The following SRGAP2B variants were observed in gnomAD, a reference collection of about 807,000 sequenced individuals.
SRGAP2B encodes SLIT-ROBO Rho GTPase activating protein 2B, also known as SLIT-ROBO Rho GTPase-activating protein 2B.
SRGAP2B carries 9 observed loss-of-function variants against 22.2 expected under a neutral mutation model. That is an observed-to-expected ratio of 0.41 (90% confidence interval 0.24 to 0.71). SRGAP2B has a LOEUF of 0.71. Among genes scored for constraint, SRGAP2B ranks in the 30% least tolerant of loss-of-function variants. The pLI is 0.35. For missense variants in SRGAP2B, 114 were observed against 235.8 expected (o/e 0.48, Z 3.38); for synonymous variants, 36 against 87.4 (o/e 0.41, Z 3.28).
intron 4 of SRGAP2B, among the ~76,000 whole-genome samples, chr1:144,953,654 G>A (rs587614503): frequency 1.3e-5 from 2 of 151,756 alleles, no homozygotes; most frequent in Admixed American, 6.6e-5. Context: ...TATGCATAGG[G>A]CACTTGAAGA....
At chr1:145,036,451 TA>T (rs1376546344) in intron 2 of SRGAP2B, among the ~76,000 whole-genome samples, 1 of 91,964 alleles carries the variant, frequency 1.1e-5, no homozygotes, top group South Asian at 3.5e-4. Context: ...TTAATAATAT[TA>T]ATAGTATCAG....
intron 3 of SRGAP2B, among the ~76,000 whole-genome samples, chr1:144,966,305 C>T (rs1197781143): frequency 6.7e-6 from 1 of 149,842 alleles, no homozygotes; most frequent in East Asian, 1.9e-4. Context: ...GGCAGAAACC[C>T]TACAAGCCAG....
intron 2 of SRGAP2B, among the ~76,000 whole-genome samples, chr1:144,996,113 T>C (rs1424223349): frequency 4.0e-5 from 6 of 151,366 alleles, no homozygotes; most frequent in Admixed American, 3.9e-4. Context: ...AAGGCAGCTA[T>C]AGATGCAAAC....
intron 4 of SRGAP2B, among the ~76,000 whole-genome samples, chr1:144,931,384 C>T (rs1473188937): frequency 1.3e-5 from 2 of 150,248 alleles, no homozygotes; most frequent in Non-Finnish European, 2.9e-5. Flanking sequence ...TTATACAATG[C>T]CTTGCATATA....
At chr1:144,929,529 A>G (rs1665022675) in intron 4 of SRGAP2B, among the ~76,000 whole-genome samples, 1 of 150,866 alleles carries the variant, frequency 6.6e-6, no homozygotes, top group Non-Finnish European at 1.5e-5. Context: ...AACATATTAA[A>G]CATAGTTAAT....
At chr1:144,965,949 TAA>T (rs1668053365) in intron 3 of SRGAP2B, among the ~76,000 whole-genome samples, 1 of 150,426 alleles carries the variant, frequency 6.6e-6, no homozygotes, top group Non-Finnish European at 1.5e-5. Context: ...AAAAAAAGAA[TAA>T]AAAGAAATGA....
In SRGAP2B at chr1:144,906,162, T is replaced by G. The variant is rs1401964330; in HGVS notation, c.487-88A>C. 4 of 694,316 alleles carry G rather than the reference T, an allele frequency of 5.8e-6. No homozygotes were observed. In the African/African-American group the frequency reaches 8.2e-5, roughly 14 times the overall value. The allele number at this position is 694,316 out of a possible 1,614,324, so 43.0% of individuals were successfully genotyped here. A position where few individuals can be genotyped will look rare whatever the true frequency, so the allele number is the denominator to read the frequency against. On this transcript the variant is annotated intron_variant, in intron 5 of 9. Transcript: ENST00000612199. ...ACAGACTAACAGACTCAGCTGGAGC[T>G]CTCCCCCATGAAGCAATATCCTCAC...
intron 2 of SRGAP2B, among the ~76,000 whole-genome samples, chr1:145,006,120 C>G (rs1343541900): frequency 6.6e-6 from 1 of 151,052 alleles, no homozygotes; most frequent in East Asian, 1.9e-4. Flanking sequence ...CAATCCCACC[C>G]AGGCTTTCTC....
chr1:145,041,122 C>T (rs1649207657), intron 2 of SRGAP2B, among the ~76,000 whole-genome samples: 1 of 106,318 alleles, frequency 9.4e-6, no homozygotes, highest in African/African-American at 3.9e-5. Context: ...GCTTTCCTAC[C>T]ACCACACTAC....
intron 3 of SRGAP2B, among the ~76,000 whole-genome samples, chr1:144,967,590 G>A (rs1436437438): frequency 1.4e-5 from 2 of 145,184 alleles, no homozygotes; most frequent in Non-Finnish European, 3.0e-5. Flanking sequence ...AACTAGAAAA[G>A]CAAGAGCAAA....
chr1:144,944,564 G>T, intron 4 of SRGAP2B, among the ~76,000 whole-genome samples: 1 of 114,212 alleles, frequency 8.8e-6, no homozygotes, highest in Non-Finnish European at 1.6e-5. Context: ...TCCAACCTGG[G>T]TGACAAAGTG....
At chr1:144,971,281 C>T (rs868913982) in intron 3 of SRGAP2B, among the ~76,000 whole-genome samples, 1 of 149,146 alleles carries the variant, frequency 6.7e-6, no homozygotes. Flanking sequence ...CAGGCATGTG[C>T]CACCACGCTC....
At chr1:144,931,403 C>G (rs587638313) in intron 4 of SRGAP2B, among the ~76,000 whole-genome samples, 1 of 150,488 alleles carries the variant, frequency 6.6e-6, no homozygotes, top group South Asian at 2.1e-4. Flanking sequence ...TAGTAAGCAC[C>G]TAATAATTAC....
chr1:145,082,218 G>A (rs1653000771), intron 2 of SRGAP2B, among the ~76,000 whole-genome samples: 1 of 146,384 alleles, frequency 6.8e-6, no homozygotes, highest in East Asian at 1.9e-4. Context: ...CATTCACAAC[G>A]TATAAATAAG....
At chr1:144,974,113 C>G (rs587725457) in intron 3 of SRGAP2B, among the ~76,000 whole-genome samples, 2 of 150,592 alleles carry the variant, frequency 1.3e-5, no homozygotes, top group East Asian at 1.9e-4. Context: ...ATTATCAACA[C>G]AGTCCCATCC....
intron 5 of SRGAP2B, among the ~76,000 whole-genome samples, chr1:144,911,932 T>C (rs1236153342): frequency 2.2e-5 from 3 of 135,454 alleles, no homozygotes; most frequent in Admixed American, 1.5e-4. Context: ...CTCTGAACTT[T>C]CTCTTTTTTT....
chr1:145,085,135 T>A (rs2102486034), intron 2 of SRGAP2B, among the ~76,000 whole-genome samples: 1 of 151,844 alleles, frequency 6.6e-6, no homozygotes, highest in Non-Finnish European at 1.5e-5. Flanking sequence ...AGAGATGAGG[T>A]TTTGCCATGT....
chr1:145,031,863 A>T (rs1272829029), intron 2 of SRGAP2B, among the ~76,000 whole-genome samples: 1,482 of 141,988 alleles, frequency 0.01, 9 homozygotes, highest in Non-Finnish European at 0.016. Context: ...AAAAAAAAAA[A>T]AAAAGTAAGT....
intron 4 of SRGAP2B, among the ~76,000 whole-genome samples, chr1:144,931,055 TCA>T (rs1210956850): frequency 6.9e-6 from 1 of 145,166 alleles, no homozygotes; most frequent in Non-Finnish European, 1.5e-5. Flanking sequence ...TGAAGAGTCC[TCA>T]CACATTCCGG....
Sources: gnomAD v4.1 joint callset for allele counts (sites outside exome capture counted in the v4.1 genomes callset) on GRCh38, gnomAD v4.1.1 for gene constraint, MANE v1.5 for transcripts, NCBI Gene and HGNC (gene_info 2026-07-23, HGNC 2026-07-21) for gene names.